Variants in NXPE4 observed in about 807,000 individuals in gnomAD.
NXPE4 encodes the protein NXPE family member 4.
Under a neutral mutation model 33.3 loss-of-function variants are expected in NXPE4, and 42 were observed. That is an observed-to-expected ratio of 1.26 (90% CI 0.98 to 1.63). The LOEUF is 1.63. Ranked by LOEUF, NXPE4 falls within the 40% of genes most tolerant of loss-of-function variation. NXPE4 has a pLI of 0.00. For missense variants in NXPE4, 709 were observed against 647.6 expected, an observed-to-expected ratio of 1.09 and a Z score of -1.03; for synonymous variants, 253 against 234.9, an observed-to-expected ratio of 1.08 and a Z score of -0.71.
At chr11:114,591,144 A>G (rs1169634250) in intron 2 of NXPE4, among the ~76,000 whole-genome samples, 4 of 152,204 alleles carry the variant, frequency 2.6e-5, no homozygotes, top group African/African-American at 9.7e-5. Context: ...AATATCCAGT[A>G]GTCACTCTGA....
At chr11:114,646,181 A>C in the NXPE4 span, among the ~76,000 whole-genome samples, 7 of 152,156 alleles carry the variant, frequency 4.6e-5, no homozygotes, top group African/African-American at 1.4e-4. Context: ...TCTTAAACTA[A>C]CTATGTCTAA....
At chr11:114,593,438 G>A (rs533035805) in intron 2 of NXPE4, among the ~76,000 whole-genome samples, 1 of 152,212 alleles carries the variant, frequency 6.6e-6, no homozygotes, top group Non-Finnish European at 1.5e-5. Flanking sequence ...CAACATCATT[G>A]ATCATCAGAG....
At chr11:114,620,046 G>A in the NXPE4 span, among the ~76,000 whole-genome samples, 4 of 150,842 alleles carry the variant, frequency 2.7e-5, no homozygotes, top group Non-Finnish European at 3.0e-5. Context: ...CTACTGCCTC[G>A]TGGGTAACCA....
chr11:114,601,916 A>T, the NXPE4 span, among the ~76,000 whole-genome samples: 1 of 32,842 alleles, frequency 3.0e-5, no homozygotes, highest in African/African-American at 8.2e-5. Flanking sequence ...TTATATAATT[A>T]TATATAATAT....
rs1024049284 is a variant in NXPE4, at chr11:114,580,808, T to C, written c.893-470A>G. ...TTAACAACTAGTTTGGCTTGGGAAC[T>C]GACCAATCCAAATGAATATAGCTAT... On this transcript the variant is annotated intron_variant, in intron 4 of 5. Coordinates refer to ENST00000375478, the MANE Select transcript of NXPE4 (RefSeq NM_001077639.2). 5.3e-5 allele frequency among the ~76,000 whole-genome samples: 8 copies of C among 152,186 alleles called. 1 individual carries two copies. The highest frequency in any genetic ancestry group is 1.0e-4 in the Non-Finnish European group (7 of 68,034).
At chr11:114,603,660 T>C in the NXPE4 span, among the ~76,000 whole-genome samples, 19 of 151,898 alleles carry the variant, frequency 1.3e-4, no homozygotes, top group Middle Eastern at 0.01. Context: ...TGGCAAGTAT[T>C]GCCTCGTCTC....
the NXPE4 span, among the ~76,000 whole-genome samples, chr11:114,651,677 T>C: frequency 3.3e-5 from 5 of 152,190 alleles, no homozygotes; most frequent in Non-Finnish European, 7.3e-5. Flanking sequence ...AGAGAGCTGA[T>C]TGGTCTGTTT....
At chr11:114,646,323 T>A in the NXPE4 span, among the ~76,000 whole-genome samples, 1 of 151,652 alleles carries the variant, frequency 6.6e-6, no homozygotes, top group African/African-American at 2.4e-5. Flanking sequence ...ATATTACAAA[T>A]AAATATAAAT....
At chr11:114,639,177 A>G in the NXPE4 span, among the ~76,000 whole-genome samples, 4 of 151,444 alleles carry the variant, frequency 2.6e-5, no homozygotes, top group African/African-American at 7.3e-5. Context: ...AATGGTGGGC[A>G]CCCCTCCCCC....
the NXPE4 span, among the ~76,000 whole-genome samples, chr11:114,668,213 G>A: frequency 6.6e-6 from 1 of 151,946 alleles, no homozygotes; most frequent in Admixed American, 6.6e-5. Context: ...GCAAACCTTA[G>A]CTGCTTTCCT....
the NXPE4 span, among the ~76,000 whole-genome samples, chr11:114,675,009 T>C: frequency 6.6e-6 from 1 of 151,688 alleles, no homozygotes; most frequent in Non-Finnish European, 1.5e-5. Flanking sequence ...TACACAAATC[T>C]ATACATGTAA....
At chr11:114,630,650 A>G in the NXPE4 span, among the ~76,000 whole-genome samples, 14 of 151,304 alleles carry the variant, frequency 9.3e-5, no homozygotes, top group South Asian at 2.9e-3. Flanking sequence ...AAGCAATGGC[A>G]ACAAAAGCCA....
chr11:114,615,855 G>A, the NXPE4 span, among the ~76,000 whole-genome samples: 8 of 151,338 alleles, frequency 5.3e-5, no homozygotes, highest in South Asian at 2.1e-4. Context: ...GAGATGCCTC[G>A]TGTGTAAGCA....
At chr11:114,633,588 T>C in the NXPE4 span, among the ~76,000 whole-genome samples, 1 of 151,612 alleles carries the variant, frequency 6.6e-6, no homozygotes, top group Non-Finnish European at 1.5e-5. Context: ...GCATTAGGTA[T>C]ATCTCATAAT....
the NXPE4 span, among the ~76,000 whole-genome samples, chr11:114,605,567 C>T: frequency 1.1e-4 from 16 of 150,512 alleles, no homozygotes; most frequent in South Asian, 4.2e-4. Context: ...CACTGTTACC[C>T]GGTGGATAAT....
At position 114,588,719 on chromosome 11, in the gene NXPE4, T is replaced by C. The variant is rs150698335; in HGVS notation, c.97-5698A>G. Among the ~76,000 whole-genome samples, 734 of 152,280 alleles carry C rather than the reference T, an allele frequency of 4.8e-3. 26 individuals carry two copies. Among genetic ancestry groups the C allele is most frequent in the Non-Finnish European group, 1.2e-3 (84 of 68,016 alleles). ...CTATGAAGAACTAAGGCCAAACCTCTTAACTACTCTAAACTGTCCATGGTA... is the reference window on the plus strand; with the variant it reads ...CTATGAAGAACTAAGGCCAAACCTCCTAACTACTCTAAACTGTCCATGGTA... On this transcript the variant is annotated intron_variant, in intron 2 of 5. Transcript: ENST00000375478.
At chr11:114,580,099 G>T in intron 5 of NXPE4, 33 bp downstream of exon 5, 2 of 1,528,856 alleles carry the variant, frequency 1.3e-6, no homozygotes, top group Non-Finnish European at 1.8e-6. Flanking sequence ...GTTTCTGAAA[G>T]GGGTAAGAAT....
At chr11:114,656,962 T>C in the NXPE4 span, among the ~76,000 whole-genome samples, 1 of 151,998 alleles carries the variant, frequency 6.6e-6, no homozygotes, top group African/African-American at 2.4e-5. Context: ...GGCGTGGTGG[T>C]GGACACCTGT....
At chr11:114,636,327 T>A in the NXPE4 span, among the ~76,000 whole-genome samples, 75 of 152,150 alleles carry the variant, frequency 4.9e-4, no homozygotes, top group African/African-American at 1.8e-3. Flanking sequence ...TATCATTTTT[T>A]ATTGCGTCTA....
Sources: allele counts gnomAD v4.1 joint callset (sites outside exome capture counted in the v4.1 genomes callset), GRCh38; gene constraint gnomAD v4.1.1; transcripts MANE v1.5; gene names NCBI Gene and HGNC (gene_info 2026-07-23, HGNC 2026-07-21).